The following HDAC9 variants were observed in gnomAD, a reference collection of about 807,000 sequenced individuals.
The protein encoded by HDAC9 is MEF-2 interacting transcription repressor (MITR) protein.
In HDAC9, 41 loss-of-function variants were observed where a neutral mutation model predicts 139.4. That is an observed-to-expected ratio of 0.29 (90% confidence interval 0.23 to 0.38). The LOEUF is 0.38. Among genes scored for constraint, HDAC9 ranks in the 10% least tolerant of loss-of-function variants. The pLI is 1.00. For missense variants in HDAC9, 1,147 were observed against 1,297.0 expected (o/e 0.88, Z 1.78); for synonymous variants, 517 against 476.2 (o/e 1.09, Z -1.12).
intron 1 of HDAC9, among the ~76,000 whole-genome samples, chr7:18,344,094 C>T (rs776580760): frequency 8.6e-5 from 13 of 151,662 alleles, no homozygotes; most frequent in African/African-American, 3.1e-4. Context: ...GGGGGAGTGG[C>T]CTTTGACAGA....
intron 6 of HDAC9, among the ~76,000 whole-genome samples, chr7:18,608,452 G>C (rs1836157446): frequency 6.6e-6 from 1 of 151,848 alleles, no homozygotes; most frequent in Non-Finnish European, 1.5e-5. Flanking sequence ...CCTCTTATTT[G>C]CATTTTTATT....
chr7:18,887,850 T>G (rs1279893296), intron 22 of HDAC9, among the ~76,000 whole-genome samples: 1 of 152,196 alleles, frequency 6.6e-6, no homozygotes, highest in Non-Finnish European at 1.5e-5. Context: ...CCTTTCCAAC[T>G]GAACCTCTAG....
chr7:18,253,119 A>G (rs558814365), intron 2 of HDAC9, among the ~76,000 whole-genome samples: 7 of 152,278 alleles, frequency 4.6e-5, no homozygotes, highest in African/African-American at 1.7e-4. Flanking sequence ...ATTCCATGGT[A>G]TATATGAACC....
chr7:18,436,985 A>G (rs1013034490), intron 1 of HDAC9, among the ~76,000 whole-genome samples: 1 of 152,212 alleles, frequency 6.6e-6, no homozygotes, highest in Admixed American at 6.5e-5. Context: ...AGCCAGAGAT[A>G]TTTTGAAGAC....
intron 2 of HDAC9, among the ~76,000 whole-genome samples, chr7:18,186,821 G>C (rs1361990422): frequency 6.6e-6 from 1 of 152,168 alleles, no homozygotes. Context: ...AGGTGGTTTT[G>C]AAAACTGTTA....
chr7:18,395,585 G>T (rs528908351), intron 1 of HDAC9, among the ~76,000 whole-genome samples: 69 of 149,778 alleles, frequency 4.6e-4, no homozygotes, highest in Non-Finnish European at 7.8e-4. Flanking sequence ...GGGAAGGAGA[G>T]AATTCTTTGT....
At chr7:18,346,013 T>C (rs1170320781) in intron 1 of HDAC9, among the ~76,000 whole-genome samples, 1 of 152,108 alleles carries the variant, frequency 6.6e-6, no homozygotes, top group Non-Finnish European at 1.5e-5. Context: ...CTCATTTTTC[T>C]CAATTTTTTC....
chr7:18,431,767 A>G (rs1178995275), intron 1 of HDAC9, among the ~76,000 whole-genome samples: 5 of 152,222 alleles, frequency 3.3e-5, no homozygotes, highest in South Asian at 4.1e-4. Context: ...GATTGTGGGT[A>G]TGACTGTGAA....
intron 22 of HDAC9, among the ~76,000 whole-genome samples, chr7:18,910,853 C>G (rs1376607789): frequency 6.6e-6 from 1 of 151,720 alleles, no homozygotes; most frequent in Non-Finnish European, 1.5e-5. Flanking sequence ...TTTGCTAGTA[C>G]TTTGTTGAGG....
intron 1 of HDAC9, among the ~76,000 whole-genome samples, chr7:18,427,454 A>G (rs1317326755): frequency 2.0e-5 from 3 of 151,494 alleles, no homozygotes; most frequent in Non-Finnish European, 4.4e-5. Context: ...CATTCATTTT[A>G]GAATTTGACT....
At chr7:18,235,202 A>G (rs1793734182) in intron 2 of HDAC9, among the ~76,000 whole-genome samples, 1 of 152,160 alleles carries the variant, frequency 6.6e-6, no homozygotes. Context: ...TGCTTAAATG[A>G]AAACATTTTT....
At chr7:18,197,772 T>A (rs1416469575) in intron 2 of HDAC9, among the ~76,000 whole-genome samples, 1 of 152,198 alleles carries the variant, frequency 6.6e-6, no homozygotes, top group African/African-American at 2.4e-5. Context: ...TTAAGTGTTG[T>A]ACTTCAGATA....
chr7:18,965,505 T>C (rs1416848859), intron 24 of HDAC9, among the ~76,000 whole-genome samples: 1 of 152,170 alleles, frequency 6.6e-6, no homozygotes, highest in Non-Finnish European at 1.5e-5. Flanking sequence ...CAAGGAGTCA[T>C]GTACAAGTAA....
At chr7:18,745,856 C>G (rs1254747165) in intron 13 of HDAC9, among the ~76,000 whole-genome samples, 2 of 148,538 alleles carry the variant, frequency 1.3e-5, no homozygotes, top group Non-Finnish European at 3.0e-5. Context: ...CGACTCTCTA[C>G]TCTTGAAGAA....
At chr7:18,140,378 G>C (rs73062420) in intron 1 of HDAC9, among the ~76,000 whole-genome samples, 1 of 152,024 alleles carries the variant, frequency 6.6e-6, no homozygotes, top group Non-Finnish European at 1.5e-5. Flanking sequence ...AAAAGTTATT[G>C]TACAGGGTTT....
Position 18,999,091 on chromosome 7 carries a change from G to A in HDAC9, c.*3029G>A, listed in dbSNP as rs986090192. On this transcript the variant is annotated 3_prime_UTR_variant, in exon 26 of 26. Coordinates refer to ENST00000686413, the MANE Select transcript of HDAC9 (RefSeq NM_178425.4). The stretch of plus-strand genomic sequence containing the variant: ...TTGTAACAAGTTTATAACATCAATA[G>A]TGGAGACAGAAGTCAGCTTTGGAGA... The A allele has an allele frequency of 1.3e-5, 2 of 152,196 alleles. No homozygotes were observed. Among genetic ancestry groups the A allele is most frequent in the East Asian group, 3.8e-4 (2 of 5,202 alleles). 9.4% of individuals were successfully genotyped at this position (152,196 alleles called of 1,614,324 possible). A position where few individuals can be genotyped will look rare whatever the true frequency, so the allele number is the denominator to read the frequency against.
intron 1 of HDAC9, among the ~76,000 whole-genome samples, chr7:18,345,951 A>G (rs1782386004): frequency 6.6e-6 from 1 of 152,138 alleles, no homozygotes; most frequent in Non-Finnish European, 1.5e-5. Context: ...TATGTTCCAA[A>G]CACAGCAGAA....
At chr7:18,158,770 A>G (rs1355052990) in intron 1 of HDAC9, among the ~76,000 whole-genome samples, 1 of 152,262 alleles carries the variant, frequency 6.6e-6, no homozygotes, top group Non-Finnish European at 1.5e-5. Flanking sequence ...TAAAGGACCT[A>G]TGGAAGACCA....
intron 1 of HDAC9, among the ~76,000 whole-genome samples, chr7:18,476,895 C>A (rs1795152633): frequency 6.6e-6 from 1 of 152,178 alleles, no homozygotes; most frequent in African/African-American, 2.4e-5. Context: ...TTGCAAAGTT[C>A]TGCTTTTTAA....
Sources: gnomAD v4.1 joint callset for allele counts (sites outside exome capture counted in the v4.1 genomes callset) on GRCh38, gnomAD v4.1.1 for gene constraint, MANE v1.5 for transcripts, NCBI Gene and HGNC (gene_info 2026-07-23, HGNC 2026-07-21) for gene names.